Variants in UTP20 observed in about 807,000 individuals in gnomAD.
The protein encoded by UTP20 is UTP20 small subunit processome component.
UTP20 carries 164 observed loss-of-function variants against 329.5 expected under a neutral mutation model. The ratio of observed to expected loss-of-function variants is 0.50; its 90% CI spans 0.44 to 0.57. The LOEUF (loss-of-function observed/expected upper bound fraction) is 0.57, where lower values mean the gene tolerates loss of function less well. Ranked by LOEUF, UTP20 falls within the 20% of genes least tolerant of loss-of-function variation. The pLI is 0.00. For synonymous variants in UTP20, 1,151 were observed against 1,159.3 expected, an observed-to-expected ratio of 0.99 and a Z score of 0.14; for missense variants, 3,055 against 3,284.2, an observed-to-expected ratio of 0.93 and a Z score of 1.71.
At chr12:101,372,843 G>A in intron 51 of UTP20, 41 bp from the exon 52 acceptor site, 1 of 1,517,148 alleles carries the variant, frequency 6.6e-7, no homozygotes, top group Non-Finnish European at 9.2e-7. Context: ...GAATACTAGA[G>A]GTGAGATCCA....
At chr12:101,304,180 G>C (rs1872595987) in intron 15 of UTP20, among the ~76,000 whole-genome samples, 5 of 152,154 alleles carry the variant, frequency 3.3e-5, no homozygotes, top group Admixed American at 3.3e-4. Context: ...AGTAGATGCA[G>C]GATTCTGTTC....
rs1317060038 is a variant in UTP20, at chr12:101,366,593, C to A, written c.6161C>A (p.Pro2054Gln). 1 of 1,613,954 alleles carries A rather than the reference C, an allele frequency of 6.2e-7. No homozygotes were observed. Among genetic ancestry groups the A allele is most frequent in the African/African-American group, 1.3e-5 (1 of 74,928 alleles). Reference sequence around the variant, plus strand: ...GCCCCAGCACCAGATCCACGTCTACCACCCCAGAGCTGCCTTCTGCTTCCC... The same window carrying A: ...GCCCCAGCACCAGATCCACGTCTACAACCCCAGAGCTGCCTTCTGCTTCCC... ...PVAPAPDPRL[P>Q]PQSCLLLPPT... The change falls in exon 47 of 62, where the codon CCA becomes CAA. Residue 2054 changes from proline (P) to glutamine (Q), a missense_variant. By Grantham distance (76) the Pro-to-Gln change is moderately conservative. Around this residue, in one of 3 missense-constraint regions of UTP20, gnomAD observed 2,445 missense variants for 2,575.5 expected, o/e 0.95. Coordinates refer to ENST00000261637, the MANE Select transcript of UTP20 (RefSeq NM_014503.3).
intron 43 of UTP20, among the ~76,000 whole-genome samples, chr12:101,359,841 T>G (rs1211682000): frequency 6.6e-6 from 1 of 152,148 alleles, no homozygotes; most frequent in Non-Finnish European, 1.5e-5. Context: ...GAAAAGCAAC[T>G]AGACTAGGCC....
At chr12:101,370,981 C>T in intron 50 of UTP20, 77 bp from the exon 51 acceptor site, 2 of 1,257,028 alleles carry the variant, frequency 1.6e-6, no homozygotes, top group African/African-American at 3.0e-5. Context: ...CCTGTGGTTG[C>T]TTTAGCGTCA....
chr12:101,373,384 T>C lies in UTP20; in HGVS notation c.6879-17T>C. 1 of 1,610,704 alleles carries C rather than the reference T, an allele frequency of 6.2e-7. No individual in the cohort carries two copies. The highest frequency in any genetic ancestry group is 8.5e-7 in the Non-Finnish European group (1 of 1,176,918). ...TTTAGAAGATACTAACAAATCCACC[T>C]AATGTCCTTCCCCTAGTTACGAACA... On this transcript the variant is annotated splice_polypyrimidine_tract_variant and intron_variant, in intron 52 of 61. Transcript: ENST00000261637.
At position 101,368,321 on chromosome 12, in the gene UTP20, C is replaced by T. The variant is rs568094026; in HGVS notation, c.6384+345C>T. ...CTAACTTTTGTATTTTTAGTAGACA[C>T]GGGGTTTCATCTTGTTGGCCAGACT... On this transcript the variant is annotated intron_variant, in intron 48 of 61. Coordinates refer to ENST00000261637, the MANE Select transcript of UTP20 (RefSeq NM_014503.3). Among the ~76,000 whole-genome samples the T allele has an allele frequency of 2.6e-4, 39 of 152,002 alleles. No individual in the cohort carries two copies. In the South Asian group the frequency reaches 6.5e-3, roughly 25 times the overall value.
chr12:101,346,639 A>T (rs1869335749), intron 38 of UTP20, 51 bp downstream of exon 38: 5 of 1,502,136 alleles, frequency 3.3e-6, no homozygotes, highest in Non-Finnish European at 4.4e-6. Context: ...ACCATGACAC[A>T]CTTTGCCAGA....
chr12:101,324,000 G>A (rs989317310), intron 25 of UTP20, among the ~76,000 whole-genome samples: 1 of 151,898 alleles, frequency 6.6e-6, no homozygotes, highest in Non-Finnish European at 1.5e-5. Context: ...AGCTGGGCGT[G>A]GTGGCACGTG....
At chr12:101,315,850 C>T (rs1208950011) in intron 21 of UTP20, among the ~76,000 whole-genome samples, 2 of 152,058 alleles carry the variant, frequency 1.3e-5, no homozygotes, top group African/African-American at 4.8e-5. Context: ...AATTAGTTTA[C>T]CCCACGGCTT....
intron 43 of UTP20, among the ~76,000 whole-genome samples, chr12:101,360,901 T>C (rs889358254): frequency 6.6e-6 from 1 of 152,200 alleles, no homozygotes; most frequent in African/African-American, 2.4e-5. Flanking sequence ...TTTTGACAAC[T>C]AAATGTGTTT....
chr12:101,340,639 T>C, intron 32 of UTP20, 29 bp downstream of exon 32: 1 of 1,453,932 alleles, frequency 6.9e-7, no homozygotes, highest in Non-Finnish European at 9.6e-7. Flanking sequence ...CTTAACTTTG[T>C]CTCTAGAGTG....
rs545185488 is a variant in UTP20, at chr12:101,328,657, T to G, written c.3209-584T>G. Among the ~76,000 whole-genome samples, 31 of 152,050 alleles carry G rather than the reference T, an allele frequency of 2.0e-4. No homozygotes were observed. The South Asian group carries it at 6.5e-3, about 32-fold the overall frequency. ...GCTGAGGTGGGTGGATCACCTGAGG[T>G]CAGTAGTTCGAGACCAGCCTGGCCA... is the stretch of plus-strand genomic sequence containing the variant. On this transcript the variant is annotated intron_variant, in intron 26 of 61. Transcript: ENST00000261637.
intron 48 of UTP20, among the ~76,000 whole-genome samples, chr12:101,368,625 AATC>A (rs910258937): frequency 1.3e-5 from 2 of 152,046 alleles, no homozygotes; most frequent in African/African-American, 2.4e-5. Flanking sequence ...TCCCCTTACC[AATC>A]ATCATCATCA....
Position 101,319,609 on chromosome 12 carries a change from T to G in UTP20, c.2803T>G (p.Ser935Ala). The change falls in exon 23 of 62, where the codon TCC becomes GCC. Residue 935 changes from serine (S) to alanine (A), a missense_variant. By Grantham distance (99) the Ser-to-Ala change is moderately conservative. This residue lies in a region of UTP20 where 2,445 missense variants were observed against 2,575.5 expected (regional missense o/e 0.95). Transcript: ENST00000261637. ...AAATCCACGGGCCTTATATCTGGAATCCAAACTATATGAGTTATATCTTCA... is the reference window on the plus strand; with the variant it reads ...AAATCCACGGGCCTTATATCTGGAAGCCAAACTATATGAGTTATATCTTCA... ...FSNPRALYLE[S>A]KLYELYLQLL... 1 of 1,607,782 alleles carries G rather than the reference T, an allele frequency of 6.2e-7. No individual in the cohort carries two copies.
At chr12:101,315,518 G>C (rs1165576307) in intron 21 of UTP20, among the ~76,000 whole-genome samples, 4 of 151,870 alleles carry the variant, frequency 2.6e-5, no homozygotes, top group Non-Finnish European at 5.9e-5. Context: ...TCTTCAAATA[G>C]GTAAGAGGAG....
intron 29 of UTP20, among the ~76,000 whole-genome samples, chr12:101,337,200 AC>A (rs1368778101): frequency 6.6e-6 from 1 of 152,152 alleles, no homozygotes; most frequent in African/African-American, 2.4e-5. Flanking sequence ...TGTAGAGCCT[AC>A]CCGTACCATG....
At position 101,372,868 on chromosome 12, in the gene UTP20, T is replaced by C; in HGVS notation, c.6799-16T>C. 2 of 1,603,614 alleles carry C rather than the reference T, an allele frequency of 1.2e-6. No homozygotes were observed. Among genetic ancestry groups the C allele is most frequent in the Non-Finnish European group, 1.7e-6 (2 of 1,170,448 alleles). On this transcript the variant is annotated splice_polypyrimidine_tract_variant and intron_variant, in intron 51 of 61. Coordinates refer to ENST00000261637, the MANE Select transcript of UTP20 (RefSeq NM_014503.3). ...GGTGAGATCCAAATAATCATCTGTG[T>C]GACTTTTGTTCCTAGGTTTTTCTGA... is the stretch of plus-strand genomic sequence containing the variant.
chr12:101,297,285 G>A (rs1184117922), intron 12 of UTP20, among the ~76,000 whole-genome samples: 5 of 152,020 alleles, frequency 3.3e-5, no homozygotes, highest in African/African-American at 1.2e-4. Context: ...GCACAATCAC[G>A]GCTCACTGCA....
intron 54 of UTP20, among the ~76,000 whole-genome samples, chr12:101,373,985 C>T (rs1208542082): frequency 6.6e-6 from 1 of 152,088 alleles, no homozygotes; most frequent in Admixed American, 6.5e-5. Context: ...CCTGTAATCC[C>T]AGCACTTTGG....
Sources: allele counts gnomAD v4.1 joint callset (sites outside exome capture counted in the v4.1 genomes callset), GRCh38; gene constraint gnomAD v4.1.1; regional missense constraint gnomAD v4.1.1; transcripts MANE v1.5; gene names NCBI Gene and HGNC (gene_info 2026-07-23, HGNC 2026-07-21).